MYOM2: variants seen among roughly 807,000 people sequenced by gnomAD.
The protein encoded by MYOM2 is myomesin 2, also known as myomesin-2.
A neutral mutation model predicts 187.6 loss-of-function variants in MYOM2; 254 were observed. The ratio of observed to expected loss-of-function variants is 1.35; its 90% CI spans 1.22 to 1.50. The LOEUF (loss-of-function observed/expected upper bound fraction) is 1.50. Among genes scored for constraint, MYOM2 ranks in the 40% most tolerant of loss-of-function variants. The pLI, the probability that MYOM2 is intolerant of heterozygous loss-of-function variation, is 0.00. For missense variants in MYOM2, 2,796 were observed against 1,924.0 expected (o/e 1.45, Z -8.48); for synonymous variants, 981 against 753.8 (o/e 1.30, Z -4.94).
Position 2,123,624 on chromosome 8 carries a change from C to G in MYOM2, c.3637C>G (p.Leu1213Val), listed in dbSNP as rs762645566. The change falls in exon 30 of 37, where the codon CTT becomes GTT. Residue 1213 changes from leucine (L) to valine (V), a missense_variant. Coordinates refer to ENST00000262113, the MANE Select transcript of MYOM2 (RefSeq NM_003970.4). Reference sequence around the variant, plus strand: ...TGACAGAGGCCAAGATGTGTCCATCCTTGAAATAGCTGGCAAAGGTAAAAG... The same window carrying G: ...TGACAGAGGCCAAGATGTGTCCATCGTTGAAATAGCTGGCAAAGGTAAAAG... ...KDDRGQDVSI[L>V]EIAGKVYDDM... 6.2e-6 allele frequency: 10 copies of G among 1,614,120 alleles called. No individual in the cohort carries two copies. The highest frequency in any genetic ancestry group is 8.5e-6 in the Non-Finnish European group (10 of 1,179,964).
chr8:2,059,010 G>T (rs1038932817), intron 5 of MYOM2, 143 bp from the exon 6 acceptor site: 1 of 657,336 alleles, frequency 1.5e-6, no homozygotes, highest in East Asian at 2.7e-5. Flanking sequence ...GGGCCTCACC[G>T]TCAGGGCTCT....
intron 13 of MYOM2, 72 bp from the exon 14 acceptor site, chr8:2,085,191 A>G: frequency 1.3e-6 from 2 of 1,561,456 alleles, no homozygotes; most frequent in South Asian, 2.4e-5. Flanking sequence ...AGAGTCCTCC[A>G]GTGCCCCGAG....
chr8:2,091,976 T>A (rs895813343), intron 15 of MYOM2, among the ~76,000 whole-genome samples: 17 of 152,112 alleles, frequency 1.1e-4, no homozygotes, highest in African/African-American at 2.4e-4. Context: ...TAAAATTGAG[T>A]CTTACTTTCT....
chr8:2,106,548 TGTAA>T lies in MYOM2; in HGVS notation c.2952_2955del (p.Ser985IlefsTer19). On this transcript the variant is annotated frameshift_variant, in exon 23 of 37. Coordinates refer to ENST00000262113, the MANE Select transcript of MYOM2 (RefSeq NM_003970.4). LOFTEE classifies it high-confidence loss of function. ...AGGATTTAGGGACTTACTCCGTGTC[TGTAA>T]GTGATACAGACGGAGTGTCCTCCAG... The T allele has an allele frequency of 6.2e-7, 1 of 1,612,234 alleles. No homozygotes were observed.
chr8:2,110,521 A>ACAG (rs1193795896), intron 25 of MYOM2, among the ~76,000 whole-genome samples: 1 of 152,202 alleles, frequency 6.6e-6, no homozygotes, highest in Non-Finnish European at 1.5e-5. Context: ...CGGTTAAAGG[A>ACAG]CAGCCCTATT....
intron 1 of MYOM2, among the ~76,000 whole-genome samples, chr8:2,050,088 G>T (rs1272945380): frequency 6.6e-6 from 1 of 152,094 alleles, no homozygotes; most frequent in African/African-American, 2.4e-5. Context: ...TGGAGAGACT[G>T]CCCGTTCCCC....
chr8:2,047,528 T>G (rs569473832), intron 1 of MYOM2, among the ~76,000 whole-genome samples: 188 of 152,296 alleles, frequency 1.2e-3, no homozygotes, highest in Middle Eastern at 6.8e-3. Flanking sequence ...TCTAAGGTGT[T>G]TTCATTGTTG....
intron 28 of MYOM2, among the ~76,000 whole-genome samples, chr8:2,122,406 G>A (rs1435969342): frequency 6.6e-6 from 1 of 152,184 alleles, no homozygotes; most frequent in Non-Finnish European, 1.5e-5. Context: ...TGAAACAGAC[G>A]AAACCCCTGC....
intron 27 of MYOM2, among the ~76,000 whole-genome samples, chr8:2,116,859 G>C (rs977320695): frequency 1.3e-5 from 2 of 152,198 alleles, no homozygotes; most frequent in East Asian, 1.9e-4. Flanking sequence ...CCGGGTTCAC[G>C]CCGTTCTCCT....
At chr8:2,103,209 G>C (rs1465877361) in intron 21 of MYOM2, among the ~76,000 whole-genome samples, 1 of 151,960 alleles carries the variant, frequency 6.6e-6, no homozygotes, top group Non-Finnish European at 1.5e-5. Context: ...ATGAGTGGGA[G>C]AGTGTGCATG....
chr8:2,117,032 G>T (rs559777532), intron 27 of MYOM2, among the ~76,000 whole-genome samples: 1 of 152,120 alleles, frequency 6.6e-6, no homozygotes, highest in Admixed American at 6.5e-5. Context: ...CAAAGTGCTG[G>T]GATTACAGGG....
chr8:2,102,903 T>C lies in MYOM2; in HGVS notation c.2734+122T>C, dbSNP rs1585910840. The C allele has an allele frequency of 4.0e-6, 3 of 741,142 alleles. No homozygotes were observed. The East Asian group carries it at 8.2e-5, about 20-fold the overall frequency. The allele number at this position is 741,142 out of a possible 1,614,324, so 45.9% of individuals were successfully genotyped here. ...TGGGAGAGTGAACACGTGTTATGTGTGTATGTGTGGATGGGTCTGTAGATA... is the reference window on the plus strand; with the variant it reads ...TGGGAGAGTGAACACGTGTTATGTGCGTATGTGTGGATGGGTCTGTAGATA... On this transcript the variant is annotated intron_variant, in intron 21 of 36. Coordinates refer to ENST00000262113, the MANE Select transcript of MYOM2 (RefSeq NM_003970.4).
chr8:2,097,537 C>T (rs1028871820), intron 18 of MYOM2, among the ~76,000 whole-genome samples: 15 of 152,170 alleles, frequency 9.9e-5, no homozygotes, highest in Non-Finnish European at 4.4e-5. Flanking sequence ...GTTTTCGAGA[C>T]AGAGTCTCAC....
intron 32 of MYOM2, among the ~76,000 whole-genome samples, chr8:2,133,807 GT>G (rs1797959154): frequency 6.6e-6 from 1 of 152,132 alleles, no homozygotes; most frequent in South Asian, 2.1e-4. Context: ...TTACACTTGT[GT>G]TACTTCCAGC....
chr8:2,077,855 C>G (rs1819487675), intron 11 of MYOM2, among the ~76,000 whole-genome samples: 1 of 152,230 alleles, frequency 6.6e-6, no homozygotes, highest in African/African-American at 2.4e-5. Context: ...GACTTGCCAG[C>G]TGTTGCCTGA....
chr8:2,045,191 C>G (rs1437573204), intron 1 of MYOM2, 23 bp downstream of exon 1: 1 of 152,254 alleles, frequency 6.6e-6, no homozygotes, highest in Non-Finnish European at 1.5e-5. Context: ...CTCTTCTTGC[C>G]TTTTCTAATT....
chr8:2,108,321 T>C (rs1476856390), intron 23 of MYOM2, among the ~76,000 whole-genome samples: 1 of 151,704 alleles, frequency 6.6e-6, no homozygotes, highest in African/African-American at 2.4e-5. Context: ...TAATACACTA[T>C]AGTGATGAAA....
intron 18 of MYOM2, 149 bp from the exon 19 acceptor site, chr8:2,098,708 G>C (rs1257120482): frequency 2.4e-6 from 2 of 834,874 alleles, no homozygotes; most frequent in Admixed American, 5.8e-5. Context: ...GCCACATCGA[G>C]GTCCTTCCTG....
chr8:2,086,728 G>A (rs551100806), intron 14 of MYOM2, among the ~76,000 whole-genome samples: 35 of 152,338 alleles, frequency 2.3e-4, no homozygotes, highest in Middle Eastern at 3.4e-3. Context: ...CTGGGCGCCC[G>A]CGTTCTTCAC....
Sources: gnomAD v4.1 joint callset for allele counts (sites outside exome capture counted in the v4.1 genomes callset) on GRCh38, gnomAD v4.1.1 for gene constraint, MANE v1.5 for transcripts, NCBI Gene and HGNC (gene_info 2026-07-23, HGNC 2026-07-21) for gene names.